NTM: variants seen among roughly 807,000 people sequenced by gnomAD.
NTM encodes the protein IgLON family member 2.
In NTM, 13 loss-of-function variants were observed where a neutral mutation model predicts 42.1. That is an observed-to-expected ratio of 0.31 (90% CI 0.20 to 0.49). NTM has a LOEUF of 0.49. Among genes scored for constraint, NTM ranks in the 20% least tolerant of loss-of-function variants. The pLI is 0.99. For synonymous variants in NTM, 187 were observed against 179.2 expected, an observed-to-expected ratio of 1.04 and a Z score of -0.35; for missense variants, 373 against 452.8, an observed-to-expected ratio of 0.82 and a Z score of 1.60.
intron 1 of NTM, among the ~76,000 whole-genome samples, chr11:131,869,698 T>C (rs962085905): frequency 2.0e-5 from 3 of 152,216 alleles, no homozygotes; most frequent in Admixed American, 1.3e-4. Flanking sequence ...AATTTAATTG[T>C]AGATCTCAGG....
rs536070254 is a variant in NTM at position 131,948,698 on chromosome 11, G to A, written c.167+37050G>A. Among the ~76,000 whole-genome samples the A allele has an allele frequency of 2.0e-5, 3 of 152,286 alleles. No individual in the cohort carries two copies. In the South Asian group the frequency reaches 6.2e-4, roughly 32 times the overall value. On this transcript the variant is annotated intron_variant, in intron 2 of 8. Transcript: ENST00000683400. The stretch of plus-strand genomic sequence containing the variant: ...TTCTTTTCTTACTTCTTTCAAGATG[G>A]CAACATAGCAGAGGCGTCCATGCTG...
chr11:131,974,349 A>G (rs1356335888), intron 2 of NTM, among the ~76,000 whole-genome samples: 1 of 152,250 alleles, frequency 6.6e-6, no homozygotes, highest in African/African-American at 2.4e-5. Context: ...TCCTTACCCA[A>G]AATGCATTTA....
At chr11:131,545,543 A>C (rs1210177685) in intron 1 of NTM, among the ~76,000 whole-genome samples, 1 of 152,188 alleles carries the variant, frequency 6.6e-6, no homozygotes, top group Non-Finnish European at 1.5e-5. Flanking sequence ...ACTGAGCATC[A>C]GTCTTCTTGA....
intron 1 of NTM, among the ~76,000 whole-genome samples, chr11:131,510,839 C>T (rs573654301): frequency 3.3e-5 from 5 of 152,080 alleles, no homozygotes; most frequent in African/African-American, 1.2e-4. Context: ...GCCTTCTGCC[C>T]CGTCCTGGCT....
At chr11:132,261,008 G>C (rs188727109) in intron 4 of NTM, among the ~76,000 whole-genome samples, 2 of 152,332 alleles carry the variant, frequency 1.3e-5, no homozygotes, top group Admixed American at 6.5e-5. Flanking sequence ...CTTAGGAGTC[G>C]AAGGATTTGG....
chr11:132,072,805 C>T (rs1197998913), intron 2 of NTM, among the ~76,000 whole-genome samples: 7 of 152,248 alleles, frequency 4.6e-5, no homozygotes, highest in Non-Finnish European at 1.0e-4. Context: ...CCTTATTTTA[C>T]GGTTGTGATT....
intron 1 of NTM, among the ~76,000 whole-genome samples, chr11:131,689,924 C>A (rs781207266): frequency 6.6e-6 from 1 of 152,226 alleles, no homozygotes; most frequent in African/African-American, 2.4e-5. Flanking sequence ...ACACAGTTGG[C>A]TCCCTCGTCC....
At chr11:131,573,548 G>C (rs1449893200) in intron 1 of NTM, 1 of 152,088 alleles carries the variant, frequency 6.6e-6, no homozygotes, top group Non-Finnish European at 1.5e-5. Flanking sequence ...AGTCTTACCC[G>C]GTAGGTGACC....
chr11:131,973,023 T>C (rs1408865901), intron 2 of NTM, among the ~76,000 whole-genome samples: 1 of 152,094 alleles, frequency 6.6e-6, no homozygotes, highest in African/African-American at 2.4e-5. Context: ...TACTTAACAG[T>C]TTACTTAAGT....
chr11:132,320,417 A>G lies in NTM; in HGVS notation c.934+5714A>G, dbSNP rs147570883. Among the ~76,000 whole-genome samples the G allele has an allele frequency of 5.3e-3, 808 of 152,312 alleles. 6 individuals are homozygous for G. Among genetic ancestry groups the G allele is most frequent in the African/African-American group, 0.019 (777 of 41,576 alleles). On this transcript the variant is annotated intron_variant, in intron 7 of 8. Coordinates refer to ENST00000683400, the MANE Select transcript of NTM (RefSeq NM_001352005.2). ...TCCTAATCAAAGAAAAGGGTGACGGATGGCACCTGGAAAATCGGGTCACTC... is the reference window on the plus strand; with the variant it reads ...TCCTAATCAAAGAAAAGGGTGACGGGTGGCACCTGGAAAATCGGGTCACTC...
intron 4 of NTM, among the ~76,000 whole-genome samples, chr11:132,218,773 C>T (rs2084481384): frequency 6.6e-6 from 1 of 152,208 alleles, no homozygotes; most frequent in Admixed American, 6.5e-5. Context: ...AGGACCAGAA[C>T]TGGGCCTTCA....
rs116748757 is a variant in NTM at position 132,109,806 on chromosome 11, C to G, written c.168-36476C>G. ...ATCCCTCACCTCCCTCCCACTCTTT[C>G]TTCCAAATCCCAAAGTCCATTGTAT... is the stretch of plus-strand genomic sequence containing the variant. On this transcript the variant is annotated intron_variant, in intron 2 of 8. Transcript: ENST00000683400. 7.3e-3 allele frequency among the ~76,000 whole-genome samples: 1,108 copies of G among 152,308 alleles called. 13 individuals carry two copies. Among genetic ancestry groups the G allele is most frequent in the African/African-American group, 0.025 (1,055 of 41,570 alleles).
At chr11:132,316,250 C>CAGCAAACAAACAGTTCTCGTA (rs1252759819) in intron 7 of NTM, among the ~76,000 whole-genome samples, 2 of 152,154 alleles carry the variant, frequency 1.3e-5, no homozygotes, top group Non-Finnish European at 2.9e-5. Context: ...TAGGGAGAAG[C>CAGCAAACAAACAGTTCTCGTA]AGCAAACAAA....
At chr11:131,555,382 G>T (rs1017129932) in intron 1 of NTM, among the ~76,000 whole-genome samples, 1 of 152,160 alleles carries the variant, frequency 6.6e-6, no homozygotes, top group Non-Finnish European at 1.5e-5. Flanking sequence ...TTGGGTCCTT[G>T]TGATTAAATC....
intron 2 of NTM, among the ~76,000 whole-genome samples, chr11:132,019,840 G>C (rs1403880527): frequency 4.6e-5 from 7 of 150,566 alleles, no homozygotes. Flanking sequence ...TTTTATTTTT[G>C]TTTCTATTTA....
chr11:132,019,531 T>G (rs989713436), intron 2 of NTM, among the ~76,000 whole-genome samples: 21 of 152,178 alleles, frequency 1.4e-4, no homozygotes, highest in African/African-American at 5.1e-4. Flanking sequence ...TACATCCTCC[T>G]GATATATGAA....
chr11:131,433,016 G>A (rs1000679900), intron 1 of NTM, among the ~76,000 whole-genome samples: 39 of 151,390 alleles, frequency 2.6e-4, no homozygotes, highest in South Asian at 2.1e-4. Context: ...CACCACGCCC[G>A]GCTAATTTTT....
chr11:132,010,617 C>T (rs80127986), intron 2 of NTM, among the ~76,000 whole-genome samples: 3 of 146,916 alleles, frequency 2.0e-5, no homozygotes, highest in Non-Finnish European at 1.5e-5. Flanking sequence ...TTTCTACTGT[C>T]TTTTTTTTTT....
At chr11:131,751,596 A>C (rs2082543422) in intron 1 of NTM, among the ~76,000 whole-genome samples, 2 of 151,838 alleles carry the variant, frequency 1.3e-5, no homozygotes, top group Admixed American at 1.3e-4. Flanking sequence ...TCTCAAAAAA[A>C]AAAAAAAAAG....
Sources: allele counts gnomAD v4.1 joint callset (sites outside exome capture counted in the v4.1 genomes callset), GRCh38; gene constraint gnomAD v4.1.1; transcripts MANE v1.5; gene names NCBI Gene and HGNC (gene_info 2026-07-23, HGNC 2026-07-21).